Variants in SYBU observed in about 807,000 individuals in gnomAD.
SYBU encodes syntabulin.
A neutral mutation model predicts 35.9 loss-of-function variants in SYBU; 21 were observed. The observed-to-expected ratio is 0.58, with a 90% CI of 0.41 to 0.84. The LOEUF (loss-of-function observed/expected upper bound fraction) is 0.84. Among genes scored for constraint, SYBU ranks in the 40% least tolerant of loss-of-function variants. SYBU has a pLI of 0.00. For synonymous variants in SYBU, 319 were observed against 324.3 expected (o/e 0.98, Z 0.18); for missense variants, 768 against 848.2 (o/e 0.91, Z 1.17).
rs2131151628 is a variant in SYBU, at chr8:109,574,212, T to G, written c.*694A>C. The G allele has an allele frequency of 6.5e-6, 1 of 152,706 alleles. No individual in the cohort carries two copies. Among genetic ancestry groups the G allele is most frequent in the South Asian group, 2.1e-4 (1 of 4,828 alleles). The allele number at this position is 152,706 out of a possible 1,614,324, so 9.5% of individuals were successfully genotyped here. On this transcript the variant is annotated 3_prime_UTR_variant, in exon 7 of 7. Transcript: ENST00000276646. The stretch of plus-strand genomic sequence containing the variant: ...TGGGAGGATAAAACATTTATTTAAA[T>G]GGAAACACTAATCTTTATTTTCATC...
intron 3 of SYBU, among the ~76,000 whole-genome samples, chr8:109,591,556 G>C (rs1314284678): frequency 1.6e-5 from 2 of 127,704 alleles, no homozygotes; most frequent in Non-Finnish European, 3.1e-5. Context: ...CTGTGGCCCA[G>C]GTGGGAGTGC....
At chr8:109,639,788 T>C (rs1348513713) in intron 2 of SYBU, among the ~76,000 whole-genome samples, 1 of 152,206 alleles carries the variant, frequency 6.6e-6, no homozygotes, top group Non-Finnish European at 1.5e-5. Context: ...CCCCTGCTGG[T>C]TGGACATGTC....
intron 1 of SYBU, among the ~76,000 whole-genome samples, chr8:109,664,559 G>T (rs1174734874): frequency 2.6e-5 from 4 of 152,004 alleles, no homozygotes; most frequent in African/African-American, 7.3e-5. Flanking sequence ...GTAACACCTG[G>T]CAGTCCCAGT....
intron 1 of SYBU, among the ~76,000 whole-genome samples, chr8:109,663,727 C>T (rs1055930390): frequency 6.6e-6 from 1 of 151,754 alleles, no homozygotes; most frequent in Admixed American, 6.6e-5. Context: ...CTATTTGACC[C>T]TAACCTGTAT....
intron 2 of SYBU, among the ~76,000 whole-genome samples, chr8:109,630,167 G>A (rs180955970): frequency 1.2e-4 from 18 of 150,004 alleles, no homozygotes; most frequent in Non-Finnish European, 2.2e-4. Flanking sequence ...GGAAACTATC[G>A]CAAGAACAAA....
At chr8:109,650,826 A>G (rs910773234) in intron 1 of SYBU, among the ~76,000 whole-genome samples, 5 of 152,206 alleles carry the variant, frequency 3.3e-5, no homozygotes, top group African/African-American at 1.2e-4. Context: ...TTTTTTCTTA[A>G]AAAAGGATAC....
rs879902711 is a variant in SYBU at position 109,622,229 on chromosome 8, T to TATC, written c.230-3193_230-3191dup. ...TCTATCTATCTATCTATCTATCATC[T>TATC]ATCTATCTATCTATCTTTTTAAGAC... On this transcript the variant is annotated intron_variant, in intron 2 of 6. Coordinates refer to ENST00000276646, the MANE Select transcript of SYBU (RefSeq NM_001099754.2). Among the ~76,000 whole-genome samples the TATC allele has an allele frequency of 2.1e-3, 299 of 144,338 alleles. 1 individual carries two copies. Among genetic ancestry groups the TATC allele is most frequent in the East Asian group, 3.6e-3 (15 of 4,182 alleles). 94.7% of individuals were successfully genotyped at this position (144,338 alleles called of 152,430 possible).
intron 3 of SYBU, among the ~76,000 whole-genome samples, chr8:109,601,497 C>T (rs1010717934): frequency 1.3e-5 from 2 of 152,086 alleles, no homozygotes; most frequent in Non-Finnish European, 2.9e-5. Flanking sequence ...TTAGACTATA[C>T]AGACAAACAA....
At chr8:109,602,060 G>T (rs1221747980) in intron 3 of SYBU, among the ~76,000 whole-genome samples, 1 of 152,090 alleles carries the variant, frequency 6.6e-6, no homozygotes, top group African/African-American at 2.4e-5. Flanking sequence ...TAAGGGAAAA[G>T]GAATGCTGAA....
In SYBU at chr8:109,596,951, CATT is replaced by C. The variant is rs1266390250; in HGVS notation, c.428-10792_428-10790del. ...TACTTTTATTTACCCTTCTTCCTAT[CATT>C]ATGAATAATTAAAAGTAGTTATGAA... On this transcript the variant is annotated intron_variant, in intron 3 of 6. Coordinates refer to ENST00000276646, the MANE Select transcript of SYBU (RefSeq NM_001099754.2). Among the ~76,000 whole-genome samples, 6 of 152,298 alleles carry C rather than the reference CATT, an allele frequency of 3.9e-5. No individual in the cohort carries two copies. In the South Asian group the frequency reaches 1.0e-3, roughly 26 times the overall value.
intron 2 of SYBU, among the ~76,000 whole-genome samples, chr8:109,627,783 G>T (rs927689088): frequency 6.6e-6 from 1 of 152,204 alleles, no homozygotes; most frequent in African/African-American, 2.4e-5. Context: ...ACAGACCACA[G>T]AAATTGGAGG....
At chr8:109,616,042 C>A (rs373421240) in intron 3 of SYBU, among the ~76,000 whole-genome samples, 32 of 79,808 alleles carry the variant, frequency 4.0e-4, no homozygotes, top group Middle Eastern at 0.02. Context: ...GACAGAGTCT[C>A]GCTCTGTCAC....
intron 1 of SYBU, among the ~76,000 whole-genome samples, chr8:109,653,874 A>C (rs920598567): frequency 2.0e-5 from 3 of 152,000 alleles, no homozygotes; most frequent in Non-Finnish European, 4.4e-5. Context: ...GTTTCTTCCT[A>C]TACAAGAAAA....
rs532697784 is a variant in SYBU at position 109,579,214 on chromosome 8, G to T, written c.734+585C>A. ...ATGCCCACCATCCAGTCCTCCTGTCGTGGCCTCTTTGGAAATGCAGTTCCT... is the reference window on the plus strand; with the variant it reads ...ATGCCCACCATCCAGTCCTCCTGTCTTGGCCTCTTTGGAAATGCAGTTCCT... On this transcript the variant is annotated intron_variant, in intron 5 of 6. Transcript: ENST00000276646. Among the ~76,000 whole-genome samples the T allele has an allele frequency of 2.0e-5, 3 of 152,214 alleles. No homozygotes were observed. In the East Asian group the frequency reaches 5.8e-4, roughly 29 times the overall value.
chr8:109,662,439 T>G (rs150843557), intron 1 of SYBU, among the ~76,000 whole-genome samples: 84 of 152,284 alleles, frequency 5.5e-4, no homozygotes, highest in Non-Finnish European at 9.4e-4. Context: ...CACCAGGTCC[T>G]CTCTGCTCCT....
upstream of SYBU, among the ~76,000 whole-genome samples, chr8:109,681,684 T>A (rs1457959424): frequency 6.6e-6 from 1 of 152,178 alleles, no homozygotes; most frequent in Non-Finnish European, 1.5e-5. Flanking sequence ...CACATTTAAT[T>A]TACAAGCCTC....
chr8:109,671,767 A>G (rs1816989572), intron 1 of SYBU, among the ~76,000 whole-genome samples: 1 of 152,232 alleles, frequency 6.6e-6, no homozygotes, highest in Admixed American at 6.5e-5. Context: ...CTTAATATGC[A>G]CAAAAGATGC....
At chr8:109,582,663 A>G (rs1303505755) in intron 4 of SYBU, among the ~76,000 whole-genome samples, 1 of 152,160 alleles carries the variant, frequency 6.6e-6, no homozygotes, top group African/African-American at 2.4e-5. Context: ...CATCGTCATC[A>G]TCATCATCAC....
upstream of SYBU, among the ~76,000 whole-genome samples, chr8:109,649,744 T>C (rs79614031): frequency 3.3e-5 from 5 of 152,196 alleles, no homozygotes; most frequent in Non-Finnish European, 7.3e-5. Flanking sequence ...ATAGGCACGG[T>C]GATTGCATTA....
Sources: allele counts gnomAD v4.1 joint callset (sites outside exome capture counted in the v4.1 genomes callset), GRCh38; gene constraint gnomAD v4.1.1; transcripts MANE v1.5; gene names NCBI Gene and HGNC (gene_info 2026-07-23, HGNC 2026-07-21).